Variants in PKHD1 observed in about 807,000 individuals in gnomAD.
The protein encoded by PKHD1 is fibrocystin.
PKHD1 carries 291 observed loss-of-function variants against 412.0 expected under a neutral mutation model. The observed-to-expected ratio is 0.71, with a 90% CI of 0.64 to 0.78. PKHD1 has a LOEUF of 0.78. Ranked by LOEUF, PKHD1 falls within the 30% of genes least tolerant of loss-of-function variation. The probability of loss-of-function intolerance (pLI) is 0.00; values close to 1 mark genes in which losing one functional copy is unlikely to be tolerated. For synonymous variants in PKHD1, 1,777 were observed against 1,821.5 expected (o/e 0.98, Z 0.62); for missense variants, 4,825 against 4,950.7 (o/e 0.97, Z 0.76).
chr6:51,828,722 C>T (rs900936147), intron 52 of PKHD1, among the ~76,000 whole-genome samples: 1 of 151,846 alleles, frequency 6.6e-6, no homozygotes, highest in Non-Finnish European at 1.5e-5. Context: ...ATGAAAGAAA[C>T]AAGGGGAGCC....
chr6:51,827,778 T>C lies in PKHD1; in HGVS notation c.8302+3083A>G, dbSNP rs115464044. ...AACTTGACTTTGGGTTCCCAGATCA[T>C]GAGCGCTTGGAACTGTGCCTTGAAC... is the stretch of plus-strand genomic sequence containing the variant. On this transcript the variant is annotated intron_variant, in intron 52 of 66. Coordinates refer to ENST00000371117, the MANE Select transcript of PKHD1 (RefSeq NM_138694.4). 2.4e-3 allele frequency among the ~76,000 whole-genome samples: 366 copies of C among 152,266 alleles called. 3 individuals are homozygous for C. Among genetic ancestry groups the C allele is most frequent in the African/African-American group, 8.2e-3 (342 of 41,566 alleles).
chr6:52,082,688 T>C (rs1335199989), intron 3 of PKHD1, 146 bp from the exon 4 acceptor site: 7 of 755,014 alleles, frequency 9.3e-6, no homozygotes, highest in Non-Finnish European at 1.6e-5. Flanking sequence ...TCATAGATGC[T>C]GTATAAAGGA....
intron 63 of PKHD1, among the ~76,000 whole-genome samples, chr6:51,640,420 A>T (rs1161575520): frequency 1.3e-5 from 2 of 152,244 alleles, no homozygotes; most frequent in Admixed American, 1.3e-4. Context: ...GATTTGAAGC[A>T]TATGTGCTCA....
At chr6:51,715,814 C>G (rs187365825) in intron 60 of PKHD1, among the ~76,000 whole-genome samples, 1 of 152,164 alleles carries the variant, frequency 6.6e-6, no homozygotes, top group East Asian at 1.9e-4. Flanking sequence ...TTTTTGTAAC[C>G]AGGCTTAACA....
At chr6:52,020,404 GC>G (rs1562147711) in intron 33 of PKHD1, among the ~76,000 whole-genome samples, 1 of 152,188 alleles carries the variant, frequency 6.6e-6, no homozygotes, top group Non-Finnish European at 1.5e-5. Flanking sequence ...GCCAGAACTT[GC>G]TTGTATAGAA....
At chr6:51,665,958 G>A (rs753878100) in intron 60 of PKHD1, among the ~76,000 whole-genome samples, 20 of 152,120 alleles carry the variant, frequency 1.3e-4, no homozygotes, top group African/African-American at 4.8e-4. Flanking sequence ...GGAGATTGAA[G>A]GCACTCTATC....
intron 55 of PKHD1, among the ~76,000 whole-genome samples, chr6:51,762,760 G>T (rs993023707): frequency 1.3e-5 from 2 of 151,642 alleles, no homozygotes; most frequent in East Asian, 1.9e-4. Flanking sequence ...AAGACTTATT[G>T]AATTGACTTT....
chr6:51,804,036 A>G (rs1158817257), intron 52 of PKHD1, among the ~76,000 whole-genome samples: 1 of 151,436 alleles, frequency 6.6e-6, no homozygotes, highest in Non-Finnish European at 1.5e-5. Context: ...GGAAGAACAA[A>G]GAAGTAGATG....
At chr6:52,065,158 T>TAGAGAGAGAGAGAG (rs1189756824) in intron 12 of PKHD1, 108 bp from the exon 13 acceptor site, 4 of 78,254 alleles carry the variant, frequency 5.1e-5, no homozygotes, top group African/African-American at 1.4e-4. Context: ...TATATATATA[T>TAGAGAGAGAGAGAG]ATATATATAT....
chr6:51,912,291 A>G, intron 38 of PKHD1, 75 bp downstream of exon 38: 1 of 914,116 alleles, frequency 1.1e-6, no homozygotes, highest in Non-Finnish European at 1.8e-6. Flanking sequence ...AGACCCCAAT[A>G]CAAATGTCCA....
intron 52 of PKHD1, among the ~76,000 whole-genome samples, chr6:51,827,993 T>C (rs1767608865): frequency 6.6e-6 from 1 of 152,134 alleles, no homozygotes; most frequent in Non-Finnish European, 1.5e-5. Flanking sequence ...TTTCCAAGCA[T>C]GTGTGATAAG....
intron 52 of PKHD1, among the ~76,000 whole-genome samples, chr6:51,813,700 T>C (rs1454635955): frequency 1.3e-5 from 2 of 152,172 alleles, no homozygotes; most frequent in African/African-American, 4.8e-5. Context: ...TGGGCTTGAC[T>C]GTGATGGGAG....
intron 43 of PKHD1, among the ~76,000 whole-genome samples, chr6:51,889,912 C>A (rs947028764): frequency 6.6e-6 from 1 of 152,056 alleles, no homozygotes; most frequent in Admixed American, 6.5e-5. Flanking sequence ...AGGATAGAGA[C>A]CTAGAAATCA....
intron 63 of PKHD1, among the ~76,000 whole-genome samples, chr6:51,642,128 G>A (rs961755763): frequency 2.0e-5 from 3 of 152,108 alleles, no homozygotes; most frequent in African/African-American, 7.2e-5. Context: ...ATGATTCTAA[G>A]CTGGCCGGGC....
chr6:51,667,676 T>A (rs1247086180), intron 60 of PKHD1, among the ~76,000 whole-genome samples: 1 of 150,996 alleles, frequency 6.6e-6, no homozygotes, highest in Non-Finnish European at 1.5e-5. Flanking sequence ...TTTATGGTTT[T>A]AGGTCTAATG....
At chr6:51,829,089 T>C (rs1403419697) in intron 52 of PKHD1, among the ~76,000 whole-genome samples, 5 of 152,152 alleles carry the variant, frequency 3.3e-5, no homozygotes, top group African/African-American at 9.7e-5. Flanking sequence ...TTCTTAACTT[T>C]TCTGATTATC....
At chr6:51,982,980 A>T (rs1795755954) in intron 35 of PKHD1, among the ~76,000 whole-genome samples, 2 of 148,794 alleles carry the variant, frequency 1.3e-5, no homozygotes, top group South Asian at 4.2e-4. Flanking sequence ...CACATTCTGA[A>T]ATCTCAGACA....
At chr6:51,671,864 G>T (rs957950060) in intron 60 of PKHD1, among the ~76,000 whole-genome samples, 2 of 152,136 alleles carry the variant, frequency 1.3e-5, no homozygotes, top group African/African-American at 2.4e-5. Context: ...CTGCTCGGGG[G>T]TCAGGGGTCA....
rs550246797 is a variant in PKHD1 at position 51,890,472 on chromosome 6, C to T, written c.6997-3227G>A. On this transcript the variant is annotated intron_variant, in intron 43 of 66. Coordinates refer to ENST00000371117, the MANE Select transcript of PKHD1 (RefSeq NM_138694.4). ...GAAGTCAATGTATCATGGACATTCA[C>T]GCAAGGGAAATTCCAGAGAGAAATT... Among the ~76,000 whole-genome samples, 45 of 151,818 alleles carry T rather than the reference C, an allele frequency of 3.0e-4. 1 individual carries two copies. The highest frequency in any genetic ancestry group is 3.4e-3 in the Middle Eastern group (1 of 294).
Sources: allele counts gnomAD v4.1 joint callset (sites outside exome capture counted in the v4.1 genomes callset), GRCh38; gene constraint gnomAD v4.1.1; transcripts MANE v1.5; gene names NCBI Gene and HGNC (gene_info 2026-07-23, HGNC 2026-07-21).